Variants in PANX1 observed in about 807,000 individuals in gnomAD.
The protein encoded by PANX1 is pannexin 1, also known as pannexin-1.
PANX1 carries 30 observed loss-of-function variants against 38.7 expected under a neutral mutation model. That is an observed-to-expected ratio of 0.78 (90% CI 0.58 to 1.05). PANX1 has a LOEUF of 1.05. PANX1 is among the 50% of genes least tolerant of loss of function. The pLI, the probability that PANX1 is intolerant of heterozygous loss-of-function variation, is 0.00. For missense variants in PANX1, 551 were observed against 517.2 expected, an observed-to-expected ratio of 1.07 and a Z score of -0.63; for synonymous variants, 230 against 212.2, an observed-to-expected ratio of 1.08 and a Z score of -0.73.
chr11:94,136,068 G>A (rs548649292), intron 1 of PANX1, among the ~76,000 whole-genome samples: 2 of 151,988 alleles, frequency 1.3e-5, no homozygotes, highest in East Asian at 1.9e-4. Context: ...GAAAATCTTC[G>A]TAAATATTTC....
chr11:94,160,078 G>C (rs762403674), intron 2 of PANX1, among the ~76,000 whole-genome samples: 33 of 152,064 alleles, frequency 2.2e-4, no homozygotes, highest in Non-Finnish European at 4.0e-4. Context: ...TTTGATTGCA[G>C]TGTGGTCTGA....
chr11:94,153,484 T>C lies in PANX1; in HGVS notation c.182-7T>C. The C allele has an allele frequency of 2.5e-6, 4 of 1,613,900 alleles. No homozygotes were observed. Among genetic ancestry groups the C allele is most frequent in the Non-Finnish European group, 3.4e-6 (4 of 1,179,892 alleles). Reference sequence around the variant, plus strand: ...TTTCATTGGAAACTATCTGTTTTGCTTCTTAGGTACACAGATAAGCTGTTT... The same window carrying C: ...TTTCATTGGAAACTATCTGTTTTGCCTCTTAGGTACACAGATAAGCTGTTT... On this transcript the variant is annotated splice_region_variant and splice_polypyrimidine_tract_variant and intron_variant, in intron 1 of 4. Transcript: ENST00000227638.
At position 94,171,612 on chromosome 11, in the gene PANX1, A is replaced by T. The variant is rs908552188; in HGVS notation, c.322-6757A>T. Among the ~76,000 whole-genome samples the T allele has an allele frequency of 4.0e-5, 6 of 151,640 alleles. 1 individual carries two copies. Among genetic ancestry groups the T allele is most frequent in the African/African-American group, 1.5e-4 (6 of 40,932 alleles). On this transcript the variant is annotated intron_variant, in intron 2 of 4. Coordinates refer to ENST00000227638, the MANE Select transcript of PANX1 (RefSeq NM_015368.4). ...GGGATTAGAGGCACAGGGTTTATTC[A>T]GCACTTCTCAATTTAATTCTGATGC...
chr11:94,132,442 G>A (rs1033570902), intron 1 of PANX1, among the ~76,000 whole-genome samples: 1 of 152,218 alleles, frequency 6.6e-6, no homozygotes, highest in Non-Finnish European at 1.5e-5. Context: ...AGTGTGTGGA[G>A]CAGTGTTGGC....
chr11:94,139,816 C>T (rs1946740328), intron 1 of PANX1, among the ~76,000 whole-genome samples: 1 of 152,228 alleles, frequency 6.6e-6, no homozygotes, highest in Non-Finnish European at 1.5e-5. Context: ...ACTCAGGACC[C>T]TTCTGAACCT....
At position 94,175,108 on chromosome 11, in the gene PANX1, C is replaced by T. The variant is rs149348227; in HGVS notation, c.322-3261C>T. Among the ~76,000 whole-genome samples, 404 of 151,896 alleles carry T rather than the reference C, an allele frequency of 2.7e-3. 13 individuals are homozygous for T. Among genetic ancestry groups the T allele is most frequent in the African/African-American group, 9.2e-3 (380 of 41,172 alleles). On this transcript the variant is annotated intron_variant, in intron 2 of 4. Coordinates refer to ENST00000227638, the MANE Select transcript of PANX1 (RefSeq NM_015368.4). ...GAGTTGACACAGCTTATGAACAAAGCTGTTTCCATCTGCAGATGCACCCTC... is the reference window on the plus strand; with the variant it reads ...GAGTTGACACAGCTTATGAACAAAGTTGTTTCCATCTGCAGATGCACCCTC...
intron 1 of PANX1, among the ~76,000 whole-genome samples, chr11:94,150,933 A>G (rs1425022618): frequency 2.6e-5 from 4 of 152,124 alleles, no homozygotes; most frequent in African/African-American, 7.2e-5. Context: ...TGCAGGGGTG[A>G]CTGGCTTAGA....
chr11:94,166,997 T>C (rs1947109180), intron 2 of PANX1, among the ~76,000 whole-genome samples: 1 of 136,540 alleles, frequency 7.3e-6, no homozygotes, highest in African/African-American at 2.5e-5. Flanking sequence ...TAAGTCACTT[T>C]AGTCAGTTGG....
At chr11:94,147,826 T>A (rs1332303874) in intron 1 of PANX1, among the ~76,000 whole-genome samples, 2 of 152,210 alleles carry the variant, frequency 1.3e-5, no homozygotes, top group African/African-American at 4.8e-5. Context: ...GTGTCTGATC[T>A]GTTGGACTCA....
chr11:94,168,757 G>A (rs1455173763), intron 2 of PANX1, among the ~76,000 whole-genome samples: 1 of 151,666 alleles, frequency 6.6e-6, no homozygotes, highest in African/African-American at 2.4e-5. Flanking sequence ...AGGGGCAGCA[G>A]TTTGCTGATC....
At chr11:94,163,143 C>G (rs532699459) in intron 2 of PANX1, among the ~76,000 whole-genome samples, 2 of 152,310 alleles carry the variant, frequency 1.3e-5, no homozygotes, top group South Asian at 4.1e-4. Flanking sequence ...GCCACCACAC[C>G]TGGCTTATTT....
At chr11:94,146,927 A>G (rs1463380368) in intron 1 of PANX1, among the ~76,000 whole-genome samples, 1 of 152,196 alleles carries the variant, frequency 6.6e-6, no homozygotes, top group African/African-American at 2.4e-5. Context: ...AGATTATTTA[A>G]AGAGAATGTC....
At chr11:94,153,984 G>T (rs1946916979) in intron 2 of PANX1, among the ~76,000 whole-genome samples, 1 of 152,184 alleles carries the variant, frequency 6.6e-6, no homozygotes, top group Admixed American at 6.5e-5. Context: ...CAGTGGCAGA[G>T]CTAGGATTCA....
intron 1 of PANX1, among the ~76,000 whole-genome samples, chr11:94,151,737 A>G (rs1298578733): frequency 6.6e-6 from 1 of 152,248 alleles, no homozygotes; most frequent in Non-Finnish European, 1.5e-5. Flanking sequence ...TAAGACAGTC[A>G]GAAGGGACCT....
At chr11:94,173,386 T>C (rs1253730688) in intron 2 of PANX1, among the ~76,000 whole-genome samples, 1 of 151,492 alleles carries the variant, frequency 6.6e-6, no homozygotes, top group Non-Finnish European at 1.5e-5. Context: ...CTAGATTCTT[T>C]TCCTTTATTT....
At chr11:94,131,463 T>G (rs1946628714) in intron 1 of PANX1, among the ~76,000 whole-genome samples, 1 of 152,248 alleles carries the variant, frequency 6.6e-6, no homozygotes, top group Non-Finnish European at 1.5e-5. Flanking sequence ...CTCCCTGCCC[T>G]GTGGCAGTTT....
intron 1 of PANX1, among the ~76,000 whole-genome samples, chr11:94,147,524 C>T (rs1275550209): frequency 6.6e-6 from 1 of 152,138 alleles, no homozygotes; most frequent in Non-Finnish European, 1.5e-5. Context: ...GTTTTCTTGT[C>T]TGTCTATTCT....
At chr11:94,159,317 A>G (rs941375857) in intron 2 of PANX1, among the ~76,000 whole-genome samples, 5 of 152,162 alleles carry the variant, frequency 3.3e-5, no homozygotes, top group Non-Finnish European at 5.9e-5. Context: ...GAATAGTTTC[A>G]GAAGGAATGG....
intron 4 of PANX1, 51 bp downstream of exon 4, chr11:94,180,308 A>C: frequency 3.5e-6 from 5 of 1,432,418 alleles, no homozygotes; most frequent in Non-Finnish European, 4.7e-6. Flanking sequence ...GAGCCTTTGC[A>C]GCAGCCTTGT....
Sources: allele counts gnomAD v4.1 joint callset (sites outside exome capture counted in the v4.1 genomes callset), GRCh38; gene constraint gnomAD v4.1.1; transcripts MANE v1.5; gene names NCBI Gene and HGNC (gene_info 2026-07-23, HGNC 2026-07-21).